GPM6A: variants seen among roughly 807,000 people sequenced by gnomAD.
GPM6A encodes glycoprotein M6A, also known as neuronal membrane glycoprotein M6-a.
In GPM6A, 7 loss-of-function variants were observed where a neutral mutation model predicts 32.1. That is an observed-to-expected ratio of 0.22 (90% CI 0.12 to 0.41). The LOEUF (loss-of-function observed/expected upper bound fraction) is 0.41. Among genes scored for constraint, GPM6A ranks in the 10% least tolerant of loss-of-function variants. GPM6A has a pLI of 1.00. For synonymous variants in GPM6A, 130 were observed against 123.4 expected (o/e 1.05, Z -0.35); for missense variants, 235 against 347.2 (o/e 0.68, Z 2.57).
At chr4:175,922,119 T>C (rs1189474908) in intron 1 of GPM6A, among the ~76,000 whole-genome samples, 1 of 152,176 alleles carries the variant, frequency 6.6e-6, no homozygotes, top group South Asian at 2.1e-4. Flanking sequence ...AAAATGGAGC[T>C]TCTAATACAT....
At chr4:175,673,389 A>C (rs181998895) in intron 3 of GPM6A, among the ~76,000 whole-genome samples, 1 of 151,844 alleles carries the variant, frequency 6.6e-6, no homozygotes, top group South Asian at 2.1e-4. Flanking sequence ...GTGATTCTCA[A>C]GAGAATCACA....
At chr4:175,812,549 G>A (rs561449470), upstream of GPM6A, 9 of 1,058,714 alleles carry the variant, frequency 8.5e-6, no homozygotes, top group African/African-American at 1.5e-4. Flanking sequence ...GAATTTTGGG[G>A]GGAAATTTGG....
chr4:175,734,158 ATATT>A (rs199985502), intron 1 of GPM6A, among the ~76,000 whole-genome samples: 7,178 of 87,202 alleles, frequency 0.082, 208 homozygotes, highest in Non-Finnish European at 0.12. Context: ...ATATATATAT[ATATT>A]TTTTAATTTC....
At chr4:175,711,470 A>C in intron 1 of GPM6A, among the ~76,000 whole-genome samples, 1 of 138,064 alleles carries the variant, frequency 7.2e-6, no homozygotes. Flanking sequence ...ACACACATAC[A>C]TACATGTATA....
intron 1 of GPM6A, among the ~76,000 whole-genome samples, chr4:175,711,018 G>T (rs1444996842): frequency 6.6e-6 from 1 of 152,100 alleles, no homozygotes; most frequent in African/African-American, 2.4e-5. Context: ...TTCTTGCTTA[G>T]CTCCCTGAAC....
intron 1 of GPM6A, among the ~76,000 whole-genome samples, chr4:175,705,207 C>T (rs139188332): frequency 1.6e-4 from 24 of 152,324 alleles, no homozygotes; most frequent in African/African-American, 5.8e-4. Context: ...AAATTGACAA[C>T]TCTGAGATAA....
At chr4:175,869,082 C>G (rs191688021) in intron 1 of GPM6A, among the ~76,000 whole-genome samples, 3 of 152,312 alleles carry the variant, frequency 2.0e-5, no homozygotes, top group Non-Finnish European at 4.4e-5. Flanking sequence ...TAATGACTTA[C>G]TTCGAAACAC....
At position 175,646,952 on chromosome 4, in the gene GPM6A, T is replaced by C. The variant is rs1741495072; in HGVS notation, c.541+4882A>G. Among the ~76,000 whole-genome samples, 5 of 152,228 alleles carry C rather than the reference T, an allele frequency of 3.3e-5. No individual in the cohort carries two copies. In the South Asian group the frequency reaches 1.0e-3, roughly 31 times the overall value. On this transcript the variant is annotated intron_variant, in intron 4 of 6. Coordinates refer to ENST00000393658, the MANE Select transcript of GPM6A (RefSeq NM_201591.3). ...TCCCATCCACCTCGGCTGCAGTGCC[T>C]GAAAAAGCCTTCCTTCCTGGCAATA...
intron 1 of GPM6A, among the ~76,000 whole-genome samples, chr4:175,829,113 G>A: frequency 6.6e-6 from 1 of 152,074 alleles, no homozygotes; most frequent in East Asian, 1.9e-4. Flanking sequence ...TGTATTTTTT[G>A]TAGACTGGGT....
intron 6 of GPM6A, among the ~76,000 whole-genome samples, chr4:175,638,003 AC>A (rs1740912603): frequency 6.8e-6 from 1 of 146,240 alleles, no homozygotes; most frequent in African/African-American, 2.5e-5. Context: ...CTTAAGGGGA[AC>A]CCAAGCTGCA....
At position 176,001,420 on chromosome 4, in the gene GPM6A, C is replaced by T. The variant is rs369478959; in HGVS notation, c.-23+889G>A. 2.0e-5 allele frequency among the ~76,000 whole-genome samples: 3 copies of T among 152,174 alleles called. No homozygotes were observed. The East Asian group carries it at 5.8e-4, about 29-fold the overall frequency. ...CCAGGGATGGCGAGTGCTTTCTCCT[C>T]CCCAGCTTCTCCCTCGCTCTTCGAG... is the stretch of plus-strand genomic sequence containing the variant. On this transcript the variant is annotated intron_variant, in intron 1 of 7. Coordinates refer to the GPM6A transcript ENST00000280187.
intron 1 of GPM6A, among the ~76,000 whole-genome samples, chr4:175,874,488 G>A (rs1385027800): frequency 2.0e-5 from 3 of 152,156 alleles, no homozygotes; most frequent in Non-Finnish European, 2.9e-5. Context: ...CAGTACTGTG[G>A]TGTGGAGGGG....
chr4:175,866,075 T>A (rs531188177), intron 1 of GPM6A, among the ~76,000 whole-genome samples: 1 of 152,332 alleles, frequency 6.6e-6, no homozygotes, highest in African/African-American at 2.4e-5. Flanking sequence ...TAAAATGTTA[T>A]CCAAGTTATT....
At chr4:175,715,359 G>C (rs1347621894) in intron 1 of GPM6A, among the ~76,000 whole-genome samples, 3 of 152,170 alleles carry the variant, frequency 2.0e-5, no homozygotes, top group Non-Finnish European at 4.4e-5. Context: ...GATTGTTCAC[G>C]CAGATGCAGC....
intron 1 of GPM6A, among the ~76,000 whole-genome samples, chr4:175,853,749 A>G (rs1364895836): frequency 1.3e-5 from 2 of 152,160 alleles, no homozygotes; most frequent in Admixed American, 6.6e-5. Context: ...ATTTCTAAGT[A>G]GTACTTTTGT....
intron 1 of GPM6A, among the ~76,000 whole-genome samples, chr4:175,855,976 A>G (rs1456531906): frequency 6.6e-6 from 1 of 152,228 alleles, no homozygotes; most frequent in Non-Finnish European, 1.5e-5. Context: ...CCACTCACCA[A>G]CAGAAGGAAA....
intron 1 of GPM6A, among the ~76,000 whole-genome samples, chr4:175,862,912 G>A (rs115224242): frequency 0.011 from 1,630 of 152,084 alleles, 30 homozygotes; most frequent in African/African-American, 0.037. Flanking sequence ...CAAAGTCACT[G>A]GACCAATTAT....
At chr4:175,861,543 A>G (rs982782278) in intron 1 of GPM6A, among the ~76,000 whole-genome samples, 4 of 151,656 alleles carry the variant, frequency 2.6e-5, no homozygotes, top group Non-Finnish European at 5.9e-5. Context: ...CTTGAGGTCA[A>G]GAGTTTGAGA....
At chr4:175,929,569 G>A (rs1484670575) in intron 1 of GPM6A, among the ~76,000 whole-genome samples, 2 of 152,170 alleles carry the variant, frequency 1.3e-5, no homozygotes, top group Non-Finnish European at 2.9e-5. Flanking sequence ...CTTGCCAGGT[G>A]TAATATTACT....
Sources: gnomAD v4.1 joint callset for allele counts (sites outside exome capture counted in the v4.1 genomes callset) on GRCh38, gnomAD v4.1.1 for gene constraint, MANE v1.5 for transcripts, NCBI Gene and HGNC (gene_info 2026-07-23, HGNC 2026-07-21) for gene names.